Variants in CPNE8 observed in about 807,000 individuals in gnomAD.
CPNE8 encodes copine-8.
Under a neutral mutation model 81.5 loss-of-function variants are expected in CPNE8, and 45 were observed. That is an observed-to-expected ratio of 0.55 (90% CI 0.44 to 0.71). The LOEUF (loss-of-function observed/expected upper bound fraction) is 0.71, where lower values mean the gene tolerates loss of function less well. Ranked by LOEUF, CPNE8 falls within the 30% of genes least tolerant of loss-of-function variation. The pLI is 0.00. For missense variants in CPNE8, 594 were observed against 672.1 expected, an observed-to-expected ratio of 0.88 and a Z score of 1.28; for synonymous variants, 252 against 226.3, an observed-to-expected ratio of 1.11 and a Z score of -1.02.
intron 1 of CPNE8, among the ~76,000 whole-genome samples, chr12:38,897,027 T>A (rs971985719): frequency 6.6e-6 from 1 of 152,076 alleles, no homozygotes; most frequent in African/African-American, 2.4e-5. Context: ...TTTTAAATAA[T>A]TTCTATGTTA....
chr12:38,905,559 G>C lies in CPNE8; in HGVS notation c.-25C>G, dbSNP rs1195834782. ...TATTGGGAGGAGGCGCCTTGGACTTGTCCGGCGCCCACAACCACAGCTCGG... is the reference window on the plus strand; with the variant it reads ...TATTGGGAGGAGGCGCCTTGGACTTCTCCGGCGCCCACAACCACAGCTCGG... On this transcript the variant is annotated 5_prime_UTR_variant, in exon 1 of 20. Coordinates refer to ENST00000331366, the MANE Select transcript of CPNE8 (RefSeq NM_153634.3). 6.5e-7 allele frequency: 1 copy of C among 1,548,878 alleles called. No homozygotes were observed. Among genetic ancestry groups the C allele is most frequent in the Non-Finnish European group, 8.7e-7 (1 of 1,148,006 alleles).
At chr12:38,778,758 G>A (rs1181647971) in intron 6 of CPNE8, among the ~76,000 whole-genome samples, 1 of 152,158 alleles carries the variant, frequency 6.6e-6, no homozygotes, top group Non-Finnish European at 1.5e-5. Context: ...TATGCTTTCT[G>A]TAAGAGCAAT....
intron 3 of CPNE8, among the ~76,000 whole-genome samples, chr12:38,864,635 A>T (rs1278644951): frequency 6.6e-6 from 1 of 152,204 alleles, no homozygotes; most frequent in East Asian, 1.9e-4. Context: ...TTCCTGAGTC[A>T]ATTCAACACT....
chr12:38,730,921 G>A (rs1208718552), intron 10 of CPNE8, among the ~76,000 whole-genome samples: 1 of 151,736 alleles, frequency 6.6e-6, no homozygotes, highest in African/African-American at 2.4e-5. Flanking sequence ...TCTGCACCTT[G>A]AAGTAATCAT....
intron 1 of CPNE8, among the ~76,000 whole-genome samples, chr12:38,886,074 ATAGATGGCTGGGGTTAT>A (rs1305305538): frequency 1.3e-5 from 2 of 152,190 alleles, no homozygotes; most frequent in Admixed American, 6.5e-5. Context: ...ACAGGCTAAT[ATAGATGGCTGGGGTTAT>A]TAGCTTCATA....
intron 8 of CPNE8, among the ~76,000 whole-genome samples, chr12:38,762,707 C>T (rs181774491): frequency 3.9e-5 from 6 of 152,266 alleles, no homozygotes; most frequent in African/African-American, 1.4e-4. Context: ...AAGGATTAAT[C>T]ACAGGAAAGG....
intron 19 of CPNE8, among the ~76,000 whole-genome samples, chr12:38,664,278 C>T (rs1020096811): frequency 6.6e-6 from 1 of 151,908 alleles, no homozygotes; most frequent in Non-Finnish European, 1.5e-5. Flanking sequence ...AGGATAATTA[C>T]AGAATACCTA....
chr12:38,671,622 G>A (rs1402410457), intron 18 of CPNE8, among the ~76,000 whole-genome samples: 1 of 152,016 alleles, frequency 6.6e-6, no homozygotes, highest in Non-Finnish European at 1.5e-5. Context: ...AATTCATTTT[G>A]TATACACATG....
chr12:38,892,895 A>C (rs1170889791), intron 1 of CPNE8, among the ~76,000 whole-genome samples: 1 of 152,208 alleles, frequency 6.6e-6, no homozygotes, highest in African/African-American at 2.4e-5. Flanking sequence ...GAGAGAAAAA[A>C]CTAGAACAGC....
At chr12:38,827,311 T>C (rs1453330314) in intron 6 of CPNE8, among the ~76,000 whole-genome samples, 1 of 151,690 alleles carries the variant, frequency 6.6e-6, no homozygotes, top group Non-Finnish European at 1.5e-5. Context: ...TACTAAAAAG[T>C]CAAAAAATAA....
At chr12:38,818,448 C>A (rs1256397451) in intron 6 of CPNE8, among the ~76,000 whole-genome samples, 3 of 152,184 alleles carry the variant, frequency 2.0e-5, no homozygotes, top group Non-Finnish European at 4.4e-5. Flanking sequence ...CATGTCCCTG[C>A]AAAGGACATA....
chr12:38,782,268 C>G (rs572525951), intron 6 of CPNE8, among the ~76,000 whole-genome samples: 1 of 152,026 alleles, frequency 6.6e-6, no homozygotes, highest in Non-Finnish European at 1.5e-5. Context: ...GGCTAAGAAA[C>G]GATTTCACGT....
intron 6 of CPNE8, among the ~76,000 whole-genome samples, chr12:38,806,398 T>A (rs1472411464): frequency 6.7e-6 from 1 of 149,018 alleles, no homozygotes; most frequent in Non-Finnish European, 1.5e-5. Context: ...AAAAAGCTTA[T>A]CCACCATGAT....
rs191468787 is a variant in CPNE8, at chr12:38,832,727, C to T, written c.331-3272G>A. Among the ~76,000 whole-genome samples, 484 of 152,152 alleles carry T rather than the reference C, an allele frequency of 3.2e-3. 3 individuals carry two copies. The highest frequency in any genetic ancestry group is 4.3e-3 in the Non-Finnish European group (293 of 67,994). ...TGTATTTTTAGTAGAGACAGGGTTT[C>T]GCCATGTTGGCCAGGATGGTCTCGA... On this transcript the variant is annotated intron_variant, in intron 5 of 19. Coordinates refer to ENST00000331366, the MANE Select transcript of CPNE8 (RefSeq NM_153634.3).
At chr12:38,717,426 G>GATATATATATAT (rs1565581359) in intron 13 of CPNE8, among the ~76,000 whole-genome samples, 1 of 27,780 alleles carries the variant, frequency 3.6e-5, no homozygotes, top group Non-Finnish European at 7.2e-5. Context: ...AAGAAAGTGT[G>GATATATATATAT]GTGTATATAT....
intron 7 of CPNE8, among the ~76,000 whole-genome samples, 188 bp downstream of exon 7, chr12:38,776,050 T>C (rs1018801037): frequency 1.3e-5 from 2 of 152,164 alleles, no homozygotes; most frequent in Non-Finnish European, 2.9e-5. Context: ...TAACTAATTA[T>C]ACTTTTCAGA....
chr12:38,792,305 T>TC (rs1942345231), intron 6 of CPNE8, among the ~76,000 whole-genome samples: 1 of 150,886 alleles, frequency 6.6e-6, no homozygotes, highest in South Asian at 2.1e-4. Context: ...GAGTTTTTTT[T>TC]TTTAAAGATT....
At chr12:38,791,725 T>C (rs1314067733) in intron 6 of CPNE8, among the ~76,000 whole-genome samples, 2 of 151,616 alleles carry the variant, frequency 1.3e-5, no homozygotes, top group African/African-American at 2.4e-5. Flanking sequence ...AACAACACTA[T>C]AGACCAACTG....
intron 5 of CPNE8, among the ~76,000 whole-genome samples, chr12:38,835,578 T>G (rs1943366236): frequency 6.6e-6 from 1 of 152,224 alleles, no homozygotes; most frequent in Non-Finnish European, 1.5e-5. Flanking sequence ...CTATATTTAT[T>G]GCCTGTCTGC....
Sources: gnomAD v4.1 joint callset for allele counts (sites outside exome capture counted in the v4.1 genomes callset) on GRCh38, gnomAD v4.1.1 for gene constraint, MANE v1.5 for transcripts, NCBI Gene and HGNC (gene_info 2026-07-23, HGNC 2026-07-21) for gene names.